Variants in PKD1 observed in about 807,000 individuals in gnomAD.
PKD1 encodes polycystin 1, transient receptor potential channel interacting, also known as polycystin-1.
PKD1 carries 81 observed loss-of-function variants against 361.7 expected under a neutral mutation model. That is an observed-to-expected ratio of 0.22 (90% CI 0.19 to 0.27). The LOEUF (loss-of-function observed/expected upper bound fraction) is 0.27. Among genes scored for constraint, PKD1 ranks in the 10% least tolerant of loss-of-function variants. The pLI is 1.00. For synonymous variants in PKD1, 3,615 were observed against 2,818.3 expected, an observed-to-expected ratio of 1.28 and a Z score of -8.95; for missense variants, 6,399 against 6,118.3, an observed-to-expected ratio of 1.05 and a Z score of -1.53.
Position 2,105,603 on chromosome 16 carries a change from C to T in PKD1, c.7864-129G>A, listed in dbSNP as rs140253852. The stretch of plus-strand genomic sequence containing the variant: ...GTGTGATGCGGGCACTGACCCACAA[C>T]ACTGAGCTGTTTCTTCATGGGCAAA... On this transcript the variant is annotated intron_variant, in intron 20 of 45. Coordinates refer to ENST00000262304, the MANE Select transcript of PKD1 (RefSeq NM_001009944.3). 3.9e-5 allele frequency: 61 copies of T among 1,580,904 alleles called. No homozygotes were observed. In the African/African-American group the frequency reaches 4.7e-4, roughly 12 times the overall value.
chr16:2,096,851 C>A, intron 34 of PKD1: 1 of 490,294 alleles, frequency 2.0e-6, no homozygotes. Context: ...CCCATAATTT[C>A]TCACTGCTCT....
chr16:2,122,090 C>A (rs1420886906), intron 1 of PKD1, among the ~76,000 whole-genome samples: 2 of 152,238 alleles, frequency 1.3e-5, no homozygotes, highest in Admixed American at 1.3e-4. Flanking sequence ...GAGAAGGGAA[C>A]CAACAAAGAA....
Position 2,108,595 on chromosome 16 carries a change from C to T in PKD1, c.6572G>A (p.Arg2191His), listed in dbSNP as rs774490045. Residue 2191 changes from arginine to histidine, a missense_variant, in exon 15 of 46, where the codon CGC becomes CAC. Arg to His is a conservative substitution (Grantham distance 29). Coordinates refer to ENST00000262304, the MANE Select transcript of PKD1 (RefSeq NM_001009944.3). ...YQTEYRWEVY[R>H]TASCQRPGRP... ...CCCCGGCCGCTGGCAGCTGGCGGTG[C>T]GATACACCTCCCAGCGGTACTCAGT... 1.2e-4 allele frequency: 193 copies of T among 1,557,844 alleles called. No individual in the cohort carries two copies. Among genetic ancestry groups the T allele is most frequent in the Middle Eastern group, 4.6e-4 (2 of 4,386 alleles).
Position 2,091,185 on chromosome 16 carries a change from C to A in PKD1, c.11713-11G>T. ...CAGCAGCAGGCACACCTGTGGGGGG[C>A]GCGGTCAGGAGGGCGGGAGGGACGC... On this transcript the variant is annotated splice_polypyrimidine_tract_variant and intron_variant, in intron 42 of 45. Transcript: ENST00000262304. 1.5e-6 allele frequency: 2 copies of A among 1,361,920 alleles called. No individual in the cohort carries two copies. The highest frequency in any genetic ancestry group is 1.5e-5 in the South Asian group (1 of 65,690). 84.4% of individuals were successfully genotyped at this position (1,361,920 alleles called of 1,614,324 possible). A position where few individuals can be genotyped will look rare whatever the true frequency, so the allele number is the denominator to read the frequency against.
chr16:2,109,943 G>C lies in PKD1; in HGVS notation c.5224C>G (p.Leu1742Val). Residue 1742 changes from leucine (L) to valine (V), a missense_variant, in exon 15 of 46, where the codon CTG becomes GTG. By Grantham distance (32) the Leu-to-Val change is conservative. Transcript: ENST00000262304. ...VNTSVTLSAELAGGSGVVYTW... is the reference protein window; with the variant it reads ...VNTSVTLSAEVAGGSGVVYTW... Reference sequence around the variant, plus strand: ...TATACGACACCACTGCCACCAGCCAGCTCGGCACTGAGGGTGACGCTTGTG... The same window carrying C: ...TATACGACACCACTGCCACCAGCCACCTCGGCACTGAGGGTGACGCTTGTG... The C allele has an allele frequency of 6.2e-7, 1 of 1,610,184 alleles. No individual in the cohort carries two copies. Among genetic ancestry groups the C allele is most frequent in the Non-Finnish European group, 8.5e-7 (1 of 1,179,504 alleles).
Position 2,103,649 on chromosome 16 carries a change from C to T in PKD1, c.8408G>A (p.Gly2803Asp), listed in dbSNP as rs1368840123. ...LLCYGGAPGP[G>D]CHFSIPEAFS... is the part of the protein sequence containing the mutation. ...AGCCTCGGGGATGGAGAAGTGGCAG[C>T]CAGGCCCTGGGGCGCCGCCATAGCA... Residue 2803 changes from glycine (G) to aspartate (D), a missense_variant, in exon 23 of 46, where the codon GGC becomes GAC. Transcript: ENST00000262304. 36 of 1,610,358 alleles carry T rather than the reference C, an allele frequency of 2.2e-5. No homozygotes were observed. Among genetic ancestry groups the T allele is most frequent in the Non-Finnish European group, 3.0e-5 (35 of 1,179,662 alleles).
intron 1 of PKD1, among the ~76,000 whole-genome samples, chr16:2,120,746 C>T (rs1320962264): frequency 2.6e-5 from 4 of 151,982 alleles, no homozygotes; most frequent in Admixed American, 2.6e-4. Flanking sequence ...TGGCCGGGCA[C>T]GGTGGCTCAC....
Position 2,108,468 on chromosome 16 carries a change from G to T in PKD1, c.6699C>A (p.Val2233=), listed in dbSNP as rs768082706. Residue 2233 remains valine, a synonymous_variant, in exon 15 of 46, where the codon GTC becomes GTA. Coordinates refer to ENST00000262304, the MANE Select transcript of PKD1 (RefSeq NM_001009944.3). ...LPVGHYCFVF[V]VSFGDTPLTQ... Reference sequence around the variant, plus strand: ...TCAGTGGCGTGTCCCCAAATGACACGACAAACACAAAGCAGTAGTGCCCCA... The same window carrying T: ...TCAGTGGCGTGTCCCCAAATGACACTACAAACACAAAGCAGTAGTGCCCCA... The T allele has an allele frequency of 1.9e-6, 3 of 1,610,430 alleles. No individual in the cohort carries two copies. The highest frequency in any genetic ancestry group is 2.5e-6 in the Non-Finnish European group (3 of 1,179,680).
At position 2,106,545 on chromosome 16, in the gene PKD1, G is replaced by A. The variant is rs747780246; in HGVS notation, c.7342C>T (p.Leu2448Phe). The A allele has an allele frequency of 1.3e-5, 21 of 1,596,654 alleles. No individual in the cohort carries two copies. In the Admixed American group the frequency reaches 3.3e-4, roughly 25 times the overall value. Reference sequence around the variant, plus strand: ...TCGCCAGAGCGGCCCAGCACCGTGAGCGTGAAGGTGTATCCCTCGCCGTCC... The same window carrying A: ...TCGCCAGAGCGGCCCAGCACCGTGAACGTGAAGGTGTATCCCTCGCCGTCC... The part of the protein sequence containing the change: ...LRDGEGYTFT[L>F]TVLGRSGEEE... The change falls in exon 18 of 46, where the codon CTC becomes TTC. Residue 2448 changes from leucine to phenylalanine, a missense_variant. By Grantham distance (22) the Leu-to-Phe change is conservative (BLOSUM62 0). Transcript: ENST00000262304. This position sits in a 1 kb window ranked among gnomAD's most constrained non-coding sequence, Gnocchi z 6.5.
chr16:2,104,645 G>A lies in PKD1; in HGVS notation c.8017-3C>T, dbSNP rs780785813. On this transcript the variant is annotated splice_polypyrimidine_tract_variant and splice_region_variant and intron_variant, in intron 21 of 45. Transcript: ENST00000262304. ...CATACGAGCTCCCTGCTGGGCCCCT[G>A]TGTGGAGCCAGCAGTGTCCAGCCCC... is the stretch of plus-strand genomic sequence containing the variant. 2.4e-5 allele frequency: 36 copies of A among 1,493,016 alleles called. No individual in the cohort carries two copies. In the South Asian group the frequency reaches 3.4e-4, roughly 14 times the overall value. 92.5% of individuals were successfully genotyped at this position (1,493,016 alleles called of 1,614,324 possible). A position where few individuals can be genotyped will look rare whatever the true frequency, so the allele number is the denominator to read the frequency against.
chr16:2,091,165 G>T lies in PKD1; in HGVS notation c.11722C>A (p.Leu3908Met). ...SLPLLTSVCL[L>M]LFAVHFAVAE... ...ACGGCGAAGTGCACGGCGAACAGCAGCAGGCACACCTGTGGGGGGCGCGGT... is the reference window on the plus strand; with the variant it reads ...ACGGCGAAGTGCACGGCGAACAGCATCAGGCACACCTGTGGGGGGCGCGGT... The change falls in exon 43 of 46, where the codon CTG becomes ATG. Residue 3908 changes from leucine (L) to methionine (M), a missense_variant. Physicochemically the swap from Leu to Met is conservative, Grantham distance 15. Transcript: ENST00000262304. 2 of 1,465,424 alleles carry T rather than the reference G, an allele frequency of 1.4e-6. No individual in the cohort carries two copies. Among genetic ancestry groups the T allele is most frequent in the Non-Finnish European group, 9.0e-7 (1 of 1,116,816 alleles). 90.8% of individuals were successfully genotyped at this position (1,465,424 alleles called of 1,614,324 possible).
rs754178241 is a variant in PKD1, at chr16:2,110,184, G to A, written c.4983C>T (p.Asn1661=). 30 of 1,611,114 alleles carry A rather than the reference G, an allele frequency of 1.9e-5. No homozygotes were observed. In the South Asian group the frequency reaches 1.9e-4, roughly 10 times the overall value. Residue 1661 remains asparagine, a synonymous_variant, in exon 15 of 46, where the codon AAC becomes AAT. Transcript: ENST00000262304. The part of the protein sequence containing the change: ...QLQAVVRDGT[N]VSYSWTAWRD... ...TCCAGGCAGTCCAGCTGTAGGAGAC[G>A]TTGGTGCCATCCCTAACCACGGCCT... is the stretch of plus-strand genomic sequence containing the variant.
rs1018904424 is a variant in PKD1, at chr16:2,091,409, G to C, written c.11712+14C>G. Reference sequence around the variant, plus strand: ...CCGGTGGGAGGCGCGGGGTCTGGCCGGGGACGGGCGTACCGAGGTGAGCAG... The same window carrying C: ...CCGGTGGGAGGCGCGGGGTCTGGCCCGGGACGGGCGTACCGAGGTGAGCAG... On this transcript the variant is annotated intron_variant, in intron 42 of 45. Transcript: ENST00000262304. The C allele has an allele frequency of 7.9e-6, 9 of 1,136,740 alleles. No individual in the cohort carries two copies. The highest frequency in any genetic ancestry group is 9.7e-6 in the Non-Finnish European group (9 of 925,874). The allele number at this position is 1,136,740 out of a possible 1,614,324, so 70.4% of individuals were successfully genotyped here. A position where few individuals can be genotyped will look rare whatever the true frequency, so the allele number is the denominator to read the frequency against.
In PKD1 at chr16:2,135,576, G is replaced by A; in HGVS notation, c.114C>T (p.Leu38=). 3 of 1,087,118 alleles carry A rather than the reference G, an allele frequency of 2.8e-6. No homozygotes were observed. Among genetic ancestry groups the A allele is most frequent in the Non-Finnish European group, 3.3e-6 (3 of 896,542 alleles). 67.3% of individuals were successfully genotyped at this position (1,087,118 alleles called of 1,614,324 possible). ...RGCGPCEPPC[L]CGPAPGAACR... ...AGGCGGCGCCGGGCGCTGGGCCGCAGAGGCAGGGGGGCTCGCAGGGCCCGC... is the reference window on the plus strand; with the variant it reads ...AGGCGGCGCCGGGCGCTGGGCCGCAAAGGCAGGGGGGCTCGCAGGGCCCGC... Residue 38 remains leucine, a synonymous_variant, in exon 1 of 46, where the codon CTC becomes CTT. Coordinates refer to ENST00000262304, the MANE Select transcript of PKD1 (RefSeq NM_001009944.3).
intron 14 of PKD1, among the ~76,000 whole-genome samples, chr16:2,112,121 C>T (rs1056698526): frequency 5.3e-5 from 8 of 152,214 alleles, no homozygotes; most frequent in East Asian, 1.9e-4. Flanking sequence ...GAGCCAGGCC[C>T]GGGGAGGGCG....
In PKD1 at chr16:2,099,943, C is replaced by T. The variant is rs1210319842; in HGVS notation, c.9841G>A (p.Ala3281Thr). 3 of 1,562,086 alleles carry T rather than the reference C, an allele frequency of 1.9e-6. No individual in the cohort carries two copies. The highest frequency in any genetic ancestry group is 1.2e-5 in the South Asian group (1 of 85,364). The change falls in exon 29 of 46, where the codon GCC (alanine) becomes ACC (threonine). Residue 3281 changes from alanine to threonine, a missense_variant. Ala to Thr is a moderately conservative substitution (Grantham distance 58). Coordinates refer to ENST00000262304, the MANE Select transcript of PKD1 (RefSeq NM_001009944.3). ...PRSRFTRIQR[A>T]TCCVLLICLF... Reference sequence around the variant, plus strand: ...CAGATGAGGAGAACGCAGCAGGTGGCCCTCTGGATGCGAGTGAAACGGCTA... The same window carrying T: ...CAGATGAGGAGAACGCAGCAGGTGGTCCTCTGGATGCGAGTGAAACGGCTA...
At chr16:2,105,735 G>A in intron 20 of PKD1, 130 bp downstream of exon 20, 6 of 1,298,886 alleles carry the variant, frequency 4.6e-6, no homozygotes, top group Non-Finnish European at 6.5e-6. Context: ...TCGGGGTGCT[G>A]CTTCAGGGTC....
At position 2,103,532 on chromosome 16, in the gene PKD1, T is replaced by C. The variant is rs763506666; in HGVS notation, c.8525A>G (p.Tyr2842Cys). Residue 2842 changes from tyrosine (Y) to cysteine (C), a missense_variant, in exon 23 of 46, where the codon TAC (tyrosine) becomes TGC (cysteine). Physicochemically the swap from Tyr to Cys is radical, Grantham distance 194 (BLOSUM62 -2). Transcript: ENST00000262304. ...NPFPFGYISN[Y>C]TVSTKVASMA... ...CGAGGCCACCTTGGTGGAGACGGTG[T>C]AGTTGCTGATATAGCCAAAGGGAAA... 3.7e-6 allele frequency: 6 copies of C among 1,608,004 alleles called. No individual in the cohort carries two copies. In the Admixed American group the frequency reaches 1.0e-4, roughly 27 times the overall value.
At position 2,110,843 on chromosome 16, in the gene PKD1, G is replaced by A. The variant is rs770256680; in HGVS notation, c.4324C>T (p.Leu1442Phe). The change falls in exon 15 of 46, where the codon CTT (leucine) becomes TTT (phenylalanine). Residue 1442 changes from leucine to phenylalanine, a missense_variant. Coordinates refer to ENST00000262304, the MANE Select transcript of PKD1 (RefSeq NM_001009944.3). ...TTGTTGGACGCGGTGACTGTCACAA[G>A]ATAGGAGCCTGGGTCTCGGTAGATG... ...TFIYRDPGSY[L>F]VTVTASNNIS... The A allele has an allele frequency of 1.2e-6, 2 of 1,611,878 alleles. No individual in the cohort carries two copies. The highest frequency in any genetic ancestry group is 1.7e-6 in the Non-Finnish European group (2 of 1,179,836).
Sources: allele counts gnomAD v4.1 joint callset (sites outside exome capture counted in the v4.1 genomes callset), GRCh38; gene constraint gnomAD v4.1.1; non-coding constraint Gnocchi (gnomAD v3.1); transcripts MANE v1.5; gene names NCBI Gene and HGNC (gene_info 2026-07-23, HGNC 2026-07-21).